The following ABLIM2 variants were observed in gnomAD, a reference collection of about 807,000 sequenced individuals.
ABLIM2 encodes the protein actin-binding LIM protein 2.
A neutral mutation model predicts 97.7 loss-of-function variants in ABLIM2; 53 were observed. That is an observed-to-expected ratio of 0.54 (90% CI 0.44 to 0.68). The LOEUF is 0.68. Among genes scored for constraint, ABLIM2 ranks in the 30% least tolerant of loss-of-function variants. The pLI is 0.00. For missense variants in ABLIM2, 835 were observed against 867.2 expected, an observed-to-expected ratio of 0.96 and a Z score of 0.47; for synonymous variants, 361 against 345.8, an observed-to-expected ratio of 1.04 and a Z score of -0.49.
Position 8,007,283 on chromosome 4 carries a change from A to G in ABLIM2, c.1618+776T>C, listed in dbSNP as rs1762080692. 8 of 985,328 alleles carry G rather than the reference A, an allele frequency of 8.1e-6. No individual in the cohort carries two copies. The South Asian group carries it at 3.8e-4, about 46-fold the overall frequency. The allele number at this position is 985,328 out of a possible 1,614,324, so 61.0% of individuals were successfully genotyped here. On this transcript the variant is annotated intron_variant, in intron 16 of 20. Transcript: ENST00000447017. Reference sequence around the variant, plus strand: ...CCCATCACACGACGGGTCAGTGGTGAGCTCAGATTTGAACTTGGGACTGCC... The same window carrying G: ...CCCATCACACGACGGGTCAGTGGTGGGCTCAGATTTGAACTTGGGACTGCC...
chr4:8,040,804 G>A (rs911795693), intron 9 of ABLIM2, among the ~76,000 whole-genome samples: 1 of 152,194 alleles, frequency 6.6e-6, no homozygotes, highest in Non-Finnish European at 1.5e-5. Flanking sequence ...GGAGGGCTGG[G>A]ATGCAGCCAG....
chr4:8,080,765 C>T lies in ABLIM2; in HGVS notation c.492G>A (p.Gln164=). ...GGCGTEIKNG[Q]ALVALDKHWH... Reference sequence around the variant, plus strand: ...AGTGCTTGTCCAAGGCTACCAGGGCCTGGCCATTCTTGATTTCTGTGCCGC... The same window carrying T: ...AGTGCTTGTCCAAGGCTACCAGGGCTTGGCCATTCTTGATTTCTGTGCCGC... Residue 164 remains glutamine (Q), a synonymous_variant, in exon 5 of 21, where the codon CAG becomes CAA. Transcript: ENST00000447017. The T allele has an allele frequency of 6.2e-7, 1 of 1,611,618 alleles. No homozygotes were observed. Among genetic ancestry groups the T allele is most frequent in the Non-Finnish European group, 8.5e-7 (1 of 1,178,338 alleles).
In ABLIM2 at chr4:8,150,901, C is replaced by T. The variant is rs1033904654; in HGVS notation, c.10+7779G>A. ...GGTGTGGCTGATGATGCCAAAGCGG[C>T]TCCCACGGGGCACGACGTCAGGTTT... On this transcript the variant is annotated intron_variant, in intron 1 of 20. Transcript: ENST00000447017. This position sits in a 1 kb window ranked among gnomAD's most constrained non-coding sequence, Gnocchi z 6.3. Among the ~76,000 whole-genome samples the T allele has an allele frequency of 6.6e-6, 1 of 152,104 alleles. No individual in the cohort carries two copies. Among genetic ancestry groups the T allele is most frequent in the Non-Finnish European group, 1.5e-5 (1 of 68,022 alleles).
At chr4:8,114,253 G>T (rs992739368) in intron 1 of ABLIM2, among the ~76,000 whole-genome samples, 1 of 152,032 alleles carries the variant, frequency 6.6e-6, no homozygotes, top group African/African-American at 2.4e-5. Flanking sequence ...CGGGAGACAG[G>T]CATGGCTCTC....
intron 9 of ABLIM2, among the ~76,000 whole-genome samples, chr4:8,040,708 C>T (rs1010872521): frequency 1.3e-5 from 2 of 152,102 alleles, no homozygotes; most frequent in African/African-American, 2.4e-5. Flanking sequence ...AGAGCCGGAC[C>T]GTGTGCAGTG....
Position 8,128,662 on chromosome 4 carries a change from G to C in ABLIM2, c.11-22025C>G, listed in dbSNP as rs752429530. Among the ~76,000 whole-genome samples, 1 of 152,156 alleles carries C rather than the reference G, an allele frequency of 6.6e-6. No individual in the cohort carries two copies. Among genetic ancestry groups the C allele is most frequent in the Non-Finnish European group, 1.5e-5 (1 of 68,030 alleles). ...CATTGTCTAGCCCAAGGCCACTGCC[G>C]TGGATTGAATGTGGTGTCCCCTCCC... is the stretch of plus-strand genomic sequence containing the variant. On this transcript the variant is annotated intron_variant, in intron 1 of 20. Coordinates refer to ENST00000447017, the MANE Select transcript of ABLIM2 (RefSeq NM_001130083.2). The surrounding 1 kb of genome is among the most constrained non-coding windows in gnomAD (Gnocchi z 4.9).
chr4:7,994,767 CCTGA>C (rs1448625733), intron 16 of ABLIM2, among the ~76,000 whole-genome samples: 1 of 113,656 alleles, frequency 8.8e-6, no homozygotes, highest in African/African-American at 2.8e-5. Context: ...CCTGTTGTTT[CCTGA>C]CTTCATGTCC....
chr4:7,977,256 G>A (rs1437483548), intron 20 of ABLIM2, among the ~76,000 whole-genome samples: 1 of 152,112 alleles, frequency 6.6e-6, no homozygotes, highest in African/African-American at 2.4e-5. Context: ...AGTTTCCAGA[G>A]GCCTCCCTAG....
Position 8,071,692 on chromosome 4 carries a change from A to ATGC in ABLIM2, c.675+5935_675+5936insGCA. ...CACACCTGACTGCTCTGTCCCCAAA[A>ATGC]ACCCACCCACCCGCAGCCCCTCCTG... On this transcript the variant is annotated intron_variant, in intron 6 of 20. Coordinates refer to ENST00000447017, the MANE Select transcript of ABLIM2 (RefSeq NM_001130083.2). The surrounding 1 kb of genome is among the most constrained non-coding windows in gnomAD (Gnocchi z 6.2). The ATGC allele has an allele frequency of 1.1e-6, 1 of 937,534 alleles. No individual in the cohort carries two copies. The highest frequency in any genetic ancestry group is 1.3e-6 in the Non-Finnish European group (1 of 786,254). The allele number at this position is 937,534 out of a possible 1,614,324, so 58.1% of individuals were successfully genotyped here. A position where few individuals can be genotyped will look rare whatever the true frequency, so the allele number is the denominator to read the frequency against.
Position 7,965,612 on chromosome 4 carries a change from A to G in ABLIM2, c.*1378T>C, listed in dbSNP as rs1216258263. The G allele has an allele frequency of 6.6e-6, 1 of 152,398 alleles. No homozygotes were observed. The highest frequency in any genetic ancestry group is 1.9e-4 in the East Asian group (1 of 5,184). The allele number at this position is 152,398 out of a possible 1,614,324, so 9.4% of individuals were successfully genotyped here. On this transcript the variant is annotated 3_prime_UTR_variant, in exon 21 of 21. Coordinates refer to ENST00000447017, the MANE Select transcript of ABLIM2 (RefSeq NM_001130083.2). ...CAACACCCACTGCGGACGGGGAAAC[A>G]GACTTTGGTGTTTCATCCACCTCTC...
In ABLIM2 at chr4:7,984,960, C is replaced by T. The variant is rs1026873076; in HGVS notation, c.1681-67G>A. ...ACGAGGGTGTGTGGATGGGCAGGGA[C>T]CAGGAGATGTGGCCCCTTGGAGGCC... On this transcript the variant is annotated intron_variant, in intron 17 of 20. Coordinates refer to ENST00000447017, the MANE Select transcript of ABLIM2 (RefSeq NM_001130083.2). 2.6e-6 allele frequency: 4 copies of T among 1,543,260 alleles called. No individual in the cohort carries two copies. In the African/African-American group the frequency reaches 5.4e-5, roughly 21 times the overall value.
At position 8,058,928 on chromosome 4, in the gene ABLIM2, G is replaced by A. The variant is rs1801119141; in HGVS notation, c.763+2039C>T. Among the ~76,000 whole-genome samples the A allele has an allele frequency of 6.6e-6, 1 of 152,110 alleles. No homozygotes were observed. The highest frequency in any genetic ancestry group is 2.4e-5 in the African/African-American group (1 of 41,438). On this transcript the variant is annotated intron_variant, in intron 7 of 20. Transcript: ENST00000447017. This position sits in a 1 kb window ranked among gnomAD's most constrained non-coding sequence, Gnocchi z 4.2. ...GCAACCATCTTGTGGGGTCAGTTCA[G>A]CAAGAAGCCCAGTACCTCGAGCGAC...
Position 8,044,531 on chromosome 4 carries a change from C to A in ABLIM2, c.900+633G>T, listed in dbSNP as rs1025048091. 2.6e-5 allele frequency among the ~76,000 whole-genome samples: 4 copies of A among 151,694 alleles called. No homozygotes were observed. Among genetic ancestry groups the A allele is most frequent in the African/African-American group, 9.7e-5 (4 of 41,252 alleles). On this transcript the variant is annotated intron_variant, in intron 9 of 20. Transcript: ENST00000447017. The surrounding 1 kb of genome is among the most constrained non-coding windows in gnomAD (Gnocchi z 4.4). ...TGTATTAAATATTAAATAGAATAAT[C>A]TCCCATCTCGAATCCCACCACCCAG...
At chr4:8,091,524 TTA>T (rs1828049193) in intron 3 of ABLIM2, among the ~76,000 whole-genome samples, 1 of 29,162 alleles carries the variant, frequency 3.4e-5, no homozygotes, top group Non-Finnish European at 5.5e-5. Context: ...AAAATATATA[TTA>T]TATATAAAAT....
At position 8,019,483 on chromosome 4, in the gene ABLIM2, T is replaced by C. The variant is rs1771969389; in HGVS notation, c.1423+135A>G. ...AGGCTGCTAGTGAATTTGCATTTAA[T>C]AGTCAGACTGCTAAGGGCCTTGGTG... On this transcript the variant is annotated intron_variant, in intron 14 of 20. Transcript: ENST00000447017. The surrounding 1 kb of genome is among the most constrained non-coding windows in gnomAD (Gnocchi z 4.3). 1.3e-6 allele frequency: 1 copy of C among 748,366 alleles called. No individual in the cohort carries two copies. The highest frequency in any genetic ancestry group is 1.8e-5 in the African/African-American group (1 of 54,742). 46.4% of individuals were successfully genotyped at this position (748,366 alleles called of 1,614,324 possible).
rs749606695 is a variant in ABLIM2, at chr4:8,088,268, CG to C, written c.354del (p.Asp120ThrfsTer3). The stretch of plus-strand genomic sequence containing the variant: ...TTCCCGTTGAAGGTCACTCGGTCCC[CG>C]GGGGGGAAGGGCAGCCTGAAACAAG... ...VCAVCRLPFP[P>X]GDRVTFNGKE... On this transcript the variant is annotated frameshift_variant, in exon 4 of 21. Coordinates refer to ENST00000447017, the MANE Select transcript of ABLIM2 (RefSeq NM_001130083.2). LOFTEE classifies it high-confidence loss of function. The C allele has an allele frequency of 3.1e-6, 5 of 1,607,256 alleles. No individual in the cohort carries two copies. The highest frequency in any genetic ancestry group is 4.5e-5 in the East Asian group (2 of 44,698).
At chr4:8,115,039 GC>G (rs1842207947) in intron 1 of ABLIM2, among the ~76,000 whole-genome samples, 1 of 152,194 alleles carries the variant, frequency 6.6e-6, no homozygotes, top group African/African-American at 2.4e-5. Flanking sequence ...TCCTTGACCT[GC>G]CCATGGCCAG....
intron 3 of ABLIM2, among the ~76,000 whole-genome samples, chr4:8,089,177 G>A (rs1228115833): frequency 1.3e-5 from 2 of 152,180 alleles, no homozygotes; most frequent in Non-Finnish European, 2.9e-5. Flanking sequence ...GCAGAGAGCT[G>A]GCCCATCCTC....
chr4:8,122,269 C>A lies in ABLIM2; in HGVS notation c.11-15632G>T, dbSNP rs1421779710. Among the ~76,000 whole-genome samples the A allele has an allele frequency of 2.6e-5, 4 of 152,194 alleles. No homozygotes were observed. The highest frequency in any genetic ancestry group is 5.9e-5 in the Non-Finnish European group (4 of 68,028). On this transcript the variant is annotated intron_variant, in intron 1 of 20. Transcript: ENST00000447017. The surrounding 1 kb of genome is among the most constrained non-coding windows in gnomAD (Gnocchi z 4.1). ...CCGAATGGCCTGGTAAGGATGGCCA[C>A]AGAGAGCTGGAGAGGTCCCCCACTT...
Sources: allele counts gnomAD v4.1 joint callset (sites outside exome capture counted in the v4.1 genomes callset), GRCh38; gene constraint gnomAD v4.1.1; non-coding constraint Gnocchi (gnomAD v3.1); transcripts MANE v1.5; gene names NCBI Gene and HGNC (gene_info 2026-07-23, HGNC 2026-07-21).